The following SDSL variants were observed in gnomAD, a reference collection of about 807,000 sequenced individuals.
SDSL encodes serine dehydratase like.
SDSL carries 26 observed loss-of-function variants against 27.6 expected under a neutral mutation model. The observed-to-expected ratio is 0.94, with a 90% CI of 0.69 to 1.31. The LOEUF (loss-of-function observed/expected upper bound fraction) is 1.31, where lower values mean the gene tolerates loss of function less well. SDSL is among the 50% of genes most tolerant of loss of function. The pLI, the probability that SDSL is intolerant of heterozygous loss-of-function variation, is 0.00. For synonymous variants in SDSL, 196 were observed against 180.6 expected, an observed-to-expected ratio of 1.09 and a Z score of -0.69; for missense variants, 431 against 423.5, an observed-to-expected ratio of 1.02 and a Z score of -0.16.
chr12:113,432,223 T>G (rs1385325014), intron 4 of SDSL, among the ~76,000 whole-genome samples: 3 of 25,882 alleles, frequency 1.2e-4, no homozygotes, highest in Admixed American at 3.3e-4. Flanking sequence ...TTTCTTTCTT[T>G]CTTTCTTTCT....
intron 3 of SDSL, 104 bp downstream of exon 3, chr12:113,428,563 T>C: frequency 1.1e-6 from 1 of 896,948 alleles, no homozygotes; most frequent in Non-Finnish European, 1.7e-6. Context: ...AGGCCCAGCC[T>C]CATCAAGGTC....
Position 113,438,200 on chromosome 12 carries a change from C to T in SDSL, c.*121C>T, listed in dbSNP as rs1314627565. ...CTGCCCTGTGCAACTGTGCTGGCTG[C>T]CTCCTGAAGGAAGCCCTCCTGGACT... On this transcript the variant is annotated 3_prime_UTR_variant, in exon 8 of 8. Coordinates refer to ENST00000403593, the MANE Select transcript of SDSL (RefSeq NM_001304993.2). The T allele has an allele frequency of 1.6e-5, 14 of 854,238 alleles. No homozygotes were observed. In the East Asian group the frequency reaches 3.1e-4, roughly 19 times the overall value. The allele number at this position is 854,238 out of a possible 1,614,324, so 52.9% of individuals were successfully genotyped here.
chr12:113,437,557 G>A (rs1958013293), intron 7 of SDSL, among the ~76,000 whole-genome samples: 1 of 152,180 alleles, frequency 6.6e-6, no homozygotes, highest in Non-Finnish European at 1.5e-5. Context: ...GTCAAATGAT[G>A]GATAGAGGAA....
rs781538786 is a variant in SDSL at position 113,434,201 on chromosome 12, C to G, written c.422C>G (p.Pro141Arg). ...AGGGACGGCTGGGAGAATGTCCCCC[C>G]GTTTGACCACCCCCTAATATGGTAA... ...AKRDGWENVPPFDHPLIWKGH... is the reference protein window; with the variant it reads ...AKRDGWENVPRFDHPLIWKGH... The change falls in exon 5 of 8, where the codon CCG becomes CGG. Residue 141 changes from proline (P) to arginine (R), a missense_variant. Pro to Arg is a moderately radical substitution (Grantham distance 103). Transcript: ENST00000403593. 2.5e-6 allele frequency: 4 copies of G among 1,613,192 alleles called. No individual in the cohort carries two copies. Among genetic ancestry groups the G allele is most frequent in the Non-Finnish European group, 3.4e-6 (4 of 1,179,540 alleles).
chr12:113,423,499 T>C (rs1455585688), intron 1 of SDSL, among the ~76,000 whole-genome samples: 2 of 152,166 alleles, frequency 1.3e-5, no homozygotes, highest in Non-Finnish European at 2.9e-5. Context: ...TCCTAGTGTT[T>C]TGAGAGGCAG....
chr12:113,430,029 CCTT>C (rs1243730901), intron 4 of SDSL, among the ~76,000 whole-genome samples: 5 of 141,100 alleles, frequency 3.5e-5, no homozygotes, highest in South Asian at 2.6e-4. Flanking sequence ...CTCCTTCCTT[CCTT>C]CTTTTCTCCT....
intron 5 of SDSL, among the ~76,000 whole-genome samples, 166 bp downstream of exon 5, chr12:113,434,388 G>A (rs1231205999): frequency 6.6e-6 from 1 of 152,172 alleles, no homozygotes; most frequent in African/African-American, 2.4e-5. Flanking sequence ...TGTGAATTGT[G>A]GGACTTTGTG....
intron 4 of SDSL, among the ~76,000 whole-genome samples, chr12:113,432,269 T>TTTC (rs1555210077): frequency 4.9e-5 from 7 of 142,186 alleles, no homozygotes; most frequent in African/African-American, 1.7e-4. Context: ...TCTTTCTTTC[T>TTTC]TTCTTTCTTT....
At chr12:113,430,836 G>T (rs1222538621) in intron 4 of SDSL, among the ~76,000 whole-genome samples, 3 of 152,388 alleles carry the variant, frequency 2.0e-5, no homozygotes, top group East Asian at 1.9e-4. Flanking sequence ...AGGAGGCTGA[G>T]TTGGGAGGAT....
intron 1 of SDSL, chr12:113,425,824 CAA>C (rs940372869): frequency 2.4e-6 from 1 of 414,880 alleles, no homozygotes; most frequent in African/African-American, 2.1e-5. Context: ...CCCGTCTCTA[CAA>C]AAAATACAAA....
chr12:113,432,269 T>TTTCTTTCTTTCTTTTTTTC (rs1957939238), intron 4 of SDSL, among the ~76,000 whole-genome samples: 1 of 142,186 alleles, frequency 7.0e-6, no homozygotes, highest in African/African-American at 2.8e-5. Flanking sequence ...TCTTTCTTTC[T>TTTCTTTCTTTCTTTTTTTC]TTCTTTCTTT....
At chr12:113,426,774 C>CA (rs1957856113) in intron 1 of SDSL, among the ~76,000 whole-genome samples, 2 of 151,978 alleles carry the variant, frequency 1.3e-5, no homozygotes, top group African/African-American at 4.8e-5. Context: ...CCTATCTCTA[C>CA]AAAAAAGTAC....
chr12:113,432,093 G>T (rs559035261), intron 4 of SDSL, among the ~76,000 whole-genome samples: 2 of 152,026 alleles, frequency 1.3e-5, no homozygotes, highest in East Asian at 3.9e-4. Flanking sequence ...GTTTCACCAT[G>T]TTGGCCAGGC....
intron 6 of SDSL, 84 bp from the exon 7 acceptor site, chr12:113,436,667 G>C: frequency 7.3e-7 from 1 of 1,364,118 alleles, no homozygotes; most frequent in South Asian, 1.6e-5. Context: ...ATGGGAGGGG[G>C]TGGCTGGGGC....
rs747474199 is a variant in SDSL, at chr12:113,438,127, C to A, written c.*48C>A. The A allele has an allele frequency of 9.7e-5, 146 of 1,498,990 alleles. No homozygotes were observed. The Middle Eastern group carries it at 1.6e-3, about 16-fold the overall frequency. The allele number at this position is 1,498,990 out of a possible 1,614,324, so 92.9% of individuals were successfully genotyped here. A position where few individuals can be genotyped will look rare whatever the true frequency, so the allele number is the denominator to read the frequency against. ...GACCCCTGAGAGGCCCATGGACAGT[C>A]CTGTGTCTGGATGAGGAGGACTCAG... is the stretch of plus-strand genomic sequence containing the variant. On this transcript the variant is annotated 3_prime_UTR_variant, in exon 8 of 8. Transcript: ENST00000403593.
At chr12:113,436,650 T>C (rs543595106) in intron 6 of SDSL, 101 bp from the exon 7 acceptor site, 68 of 1,250,582 alleles carry the variant, frequency 5.4e-5, no homozygotes, top group Admixed American at 9.1e-5. Context: ...AACCAGCCCA[T>C]GGCAGGATGG....
At chr12:113,435,241 C>T in intron 5 of SDSL, 88 bp from the exon 6 acceptor site, 1 of 875,336 alleles carries the variant, frequency 1.1e-6, no homozygotes, top group Non-Finnish European at 1.7e-6. Context: ...GGCAGAGAAC[C>T]CACCCCTGGT....
intron 3 of SDSL, among the ~76,000 whole-genome samples, chr12:113,428,889 C>A (rs1957884552): frequency 6.6e-6 from 1 of 151,816 alleles, no homozygotes; most frequent in Admixed American, 6.6e-5. Flanking sequence ...GGGAGCACCC[C>A]TTCTCGATGC....
Position 113,429,134 on chromosome 12 carries a change from C to T in SDSL, c.215-26C>T. Reference sequence around the variant, plus strand: ...ATCAAAGGCCAATCAGCTCTGCCCACTGCCCCTTTCCTCCTTTCTGCACAG... The same window carrying T: ...ATCAAAGGCCAATCAGCTCTGCCCATTGCCCCTTTCCTCCTTTCTGCACAG... On this transcript the variant is annotated intron_variant, in intron 3 of 7. Transcript: ENST00000403593. The T allele has an allele frequency of 3.1e-6, 5 of 1,601,668 alleles. No homozygotes were observed. The South Asian group carries it at 4.4e-5, about 14-fold the overall frequency.
Sources: gnomAD v4.1 joint callset for allele counts (sites outside exome capture counted in the v4.1 genomes callset) on GRCh38, gnomAD v4.1.1 for gene constraint, MANE v1.5 for transcripts, NCBI Gene and HGNC (gene_info 2026-07-23, HGNC 2026-07-21) for gene names.